SPNS1: variants seen among roughly 807,000 people sequenced by gnomAD.
SPNS1 encodes the protein SPNS lysolipid transporter 1, lysophospholipid, also known as protein spinster homolog 1.
In SPNS1, 22 loss-of-function variants were observed where a neutral mutation model predicts 50.3. The observed-to-expected ratio is 0.44, with a 90% CI of 0.31 to 0.62. The LOEUF is 0.62. SPNS1 is among the 20% of genes least tolerant of loss of function. The probability of loss-of-function intolerance (pLI) is 0.07; values close to 1 mark genes in which losing one functional copy is unlikely to be tolerated. For missense variants in SPNS1, 576 were observed against 728.6 expected (o/e 0.79, Z 2.41); for synonymous variants, 295 against 317.4 (o/e 0.93, Z 0.75).
At position 28,984,191 on chromosome 16, in the gene SPNS1, C is replaced by A; in HGVS notation, c.1493-14C>A. On this transcript the variant is annotated splice_polypyrimidine_tract_variant and intron_variant, in intron 11 of 11. Coordinates refer to ENST00000311008, the MANE Select transcript of SPNS1 (RefSeq NM_032038.3). ...TCCATCCAGCTCACCCTGGCTCTGA[C>A]CCTCCCCCCTCAGGCCTGCTGCACG... The A allele has an allele frequency of 6.5e-7, 1 of 1,548,356 alleles. No individual in the cohort carries two copies. The highest frequency in any genetic ancestry group is 8.7e-7 in the Non-Finnish European group (1 of 1,145,834).
rs113534072 is a variant in SPNS1 at position 28,975,443 on chromosome 16, T to A, written c.242-49T>A. On this transcript the variant is annotated intron_variant, in intron 1 of 11. Transcript: ENST00000311008. ...ATAGTCTAGGAGAGGGGAGCCAGGG[T>A]CCCGAGGGTGGCGCTGCTTTGCCGG... 5,770 of 1,614,192 alleles carry A rather than the reference T, an allele frequency of 3.6e-3. 179 individuals are homozygous for A. The African/African-American group carries it at 0.066, about 18-fold the overall frequency.
chr16:28,982,654 C>T (rs150930495), intron 8 of SPNS1, 109 bp downstream of exon 8: 17 of 1,335,706 alleles, frequency 1.3e-5, no homozygotes, highest in Non-Finnish European at 1.5e-5. Flanking sequence ...ACAGCTCTGG[C>T]TCTTCCCAGC....
In SPNS1 at chr16:28,975,680, A is replaced by G. The variant is rs1965318129; in HGVS notation, c.307+123A>G. On this transcript the variant is annotated intron_variant, in intron 2 of 11. Coordinates refer to ENST00000311008, the MANE Select transcript of SPNS1 (RefSeq NM_032038.3). ...GTTTTGTGGCCAGTTAGGGGAGGTG[A>G]TGGCCCTGATGTTGCTCGGGGGTCA... 1.1e-5 allele frequency: 11 copies of G among 1,045,236 alleles called. 1 individual carries two copies. Among genetic ancestry groups the G allele is most frequent in the African/African-American group, 1.6e-5 (1 of 62,810 alleles). The allele number at this position is 1,045,236 out of a possible 1,614,324, so 64.7% of individuals were successfully genotyped here. A position where few individuals can be genotyped will look rare whatever the true frequency, so the allele number is the denominator to read the frequency against.
intron 5 of SPNS1, chr16:28,980,028 A>AG: frequency 6.6e-6 from 1 of 152,242 alleles, no homozygotes; most frequent in South Asian, 2.0e-4. Context: ...TTCTCAAAAA[A>AG]AAAAAAAAAA....
chr16:28,982,349 C>A lies in SPNS1; in HGVS notation c.966-7C>A. The A allele has an allele frequency of 6.4e-7, 1 of 1,572,484 alleles. No homozygotes were observed. The highest frequency in any genetic ancestry group is 8.7e-7 in the Non-Finnish European group (1 of 1,154,992). ...ACAAACCCCCCATTCCCTTCCCTCA[C>A]CCCTAGTCTCATCTTTGGACTCATC... On this transcript the variant is annotated splice_region_variant and splice_polypyrimidine_tract_variant and intron_variant, in intron 7 of 11. Transcript: ENST00000311008.
At chr16:28,978,970 G>A (rs1393768581) in intron 3 of SPNS1, 185 bp from the exon 4 acceptor site, 7 of 695,758 alleles carry the variant, frequency 1.0e-5, no homozygotes, top group South Asian at 7.7e-5. Context: ...GCTCAGAGAG[G>A]TTAAGTTATT....
rs376696716 is a variant in SPNS1, at chr16:28,984,278, C to T, written c.1566C>T (p.Pro522=). 65 of 1,612,458 alleles carry T rather than the reference C, an allele frequency of 4.0e-5. No individual in the cohort carries two copies. The Middle Eastern group carries it at 9.9e-4, about 24-fold the overall frequency. The part of the protein sequence containing the change: ...VPQRGRSTRV[P]VASVLI Reference sequence around the variant, plus strand: ...AGCGGGGCCGCTCCACCCGCGTGCCCGTGGCCAGTGTGCTCATCTGAGAGG... The same window carrying T: ...AGCGGGGCCGCTCCACCCGCGTGCCTGTGGCCAGTGTGCTCATCTGAGAGG... The change falls in exon 12 of 12, where the codon CCC becomes CCT. Residue 522 remains proline (P), a synonymous_variant. Transcript: ENST00000311008.
Position 28,983,663 on chromosome 16 carries a change from A to C in SPNS1, c.1321-123A>C. The C allele has an allele frequency of 8.6e-7, 1 of 1,158,474 alleles. No individual in the cohort carries two copies. The allele number at this position is 1,158,474 out of a possible 1,614,324, so 71.8% of individuals were successfully genotyped here. On this transcript the variant is annotated intron_variant, in intron 10 of 11. Transcript: ENST00000311008. The surrounding 1 kb of genome is among the most constrained non-coding windows in gnomAD (Gnocchi z 5.4). ...ATGATAGGCATGAGCCACTGCATCT[A>C]GCTCAAACCTCCTTCCCTTTCCTGG... is the stretch of plus-strand genomic sequence containing the variant.
intron 5 of SPNS1, 90 bp downstream of exon 5, chr16:28,979,561 T>C: frequency 7.1e-7 from 1 of 1,406,284 alleles, no homozygotes; most frequent in Non-Finnish European, 1.0e-6. Flanking sequence ...CGCCCATTTT[T>C]CTTTTAAGAG....
Position 28,983,220 on chromosome 16 carries a change from C to T in SPNS1, c.1250C>T (p.Thr417Ile). The T allele has an allele frequency of 6.2e-7, 1 of 1,614,056 alleles. No homozygotes were observed. The highest frequency in any genetic ancestry group is 8.5e-7 in the Non-Finnish European group (1 of 1,179,956). Residue 417 changes from threonine to isoleucine, a missense_variant, in exon 10 of 12, where the codon ACC (threonine) becomes ATC (isoleucine). By Grantham distance (89) the Thr-to-Ile change is moderately conservative. Around this residue, in one of 3 missense-constraint regions of SPNS1, gnomAD observed 428 missense variants for 520.1 expected, o/e 0.82. Transcript: ENST00000311008. The surrounding 1 kb of genome is among the most constrained non-coding windows in gnomAD (Gnocchi z 5.4). The part of the protein sequence containing the change: ...LYVVIPTRRS[T>I]AEAFQIVLSH... ...GTGGTGATCCCTACCCGACGCTCCA[C>T]CGCCGAGGCCTTCCAGATCGTGCTG...
chr16:28,975,503 G>A lies in SPNS1; in HGVS notation c.253G>A (p.Asp85Asn). The change falls in exon 2 of 12, where the codon GAC becomes AAC. Residue 85 changes from aspartate (D) to asparagine (N), a missense_variant. Asp to Asn is a conservative substitution (Grantham distance 23). Coordinates refer to ENST00000311008, the MANE Select transcript of SPNS1 (RefSeq NM_032038.3). Reference protein sequence around the residue: ...DRFTVAGVLPDIEQFFNIGDS... With the variant: ...DRFTVAGVLPNIEQFFNIGDS... ...AATTTTCTCCTCAGGCGTCCTTCCC[G>A]ACATCGAGCAGTTCTTCAACATCGG... is the stretch of plus-strand genomic sequence containing the variant. The A allele has an allele frequency of 6.2e-7, 1 of 1,614,250 alleles. No individual in the cohort carries two copies.
rs775618063 is a variant in SPNS1 at position 28,978,056 on chromosome 16, A to C, written c.444+12A>C. ...TCATCCCCGGAGAGGTGAGGCCCCAAGCTGGCTCCTGTTTCTGCCCACACC... is the reference window on the plus strand; with the variant it reads ...TCATCCCCGGAGAGGTGAGGCCCCACGCTGGCTCCTGTTTCTGCCCACACC... On this transcript the variant is annotated intron_variant, in intron 3 of 11. Transcript: ENST00000311008. The C allele has an allele frequency of 6.2e-7, 1 of 1,611,294 alleles. No individual in the cohort carries two copies.
rs1169757309 is a variant in SPNS1, at chr16:28,984,264, T to C, written c.1552T>C (p.Ser518Pro). The change falls in exon 12 of 12, where the codon TCC becomes CCC. Residue 518 changes from serine (S) to proline (P), a missense_variant. This residue lies in a region of SPNS1 where 428 missense variants were observed against 520.1 expected (regional missense o/e 0.82). Coordinates refer to ENST00000311008, the MANE Select transcript of SPNS1 (RefSeq NM_032038.3). ...DRIVVPQRGRSTRVPVASVLI is the reference protein window; with the variant it reads ...DRIVVPQRGRPTRVPVASVLI ...GATTGTGGTGCCCCAGCGGGGCCGC[T>C]CCACCCGCGTGCCCGTGGCCAGTGT... 6.2e-7 allele frequency: 1 copy of C among 1,612,352 alleles called. No individual in the cohort carries two copies. Among genetic ancestry groups the C allele is most frequent in the African/African-American group, 1.3e-5 (1 of 75,046 alleles).
intron 3 of SPNS1, chr16:28,978,802 C>A: frequency 4.5e-6 from 1 of 224,664 alleles, no homozygotes; most frequent in Non-Finnish European, 9.0e-6. Flanking sequence ...ACATAAACTC[C>A]CATCTAAGGT....
intron 2 of SPNS1, among the ~76,000 whole-genome samples, chr16:28,977,332 AAGAGAAAAAAGTAAATGT>A (rs1053929851): frequency 4.7e-5 from 7 of 149,594 alleles, no homozygotes; most frequent in African/African-American, 1.7e-4. Context: ...AAAAAAAAAA[AAGAGAAAAAAGTAAATGT>A]GAGAGTCAGG....
At chr16:28,975,588 C>T (rs751468167) in intron 2 of SPNS1, 31 bp downstream of exon 2, 41 of 1,612,086 alleles carry the variant, frequency 2.5e-5, no homozygotes, top group Non-Finnish European at 3.2e-5. Flanking sequence ...GTCACACAGC[C>T]GCTCCTCCTT....
chr16:28,976,487 G>T (rs1965349328), intron 2 of SPNS1, among the ~76,000 whole-genome samples: 1 of 152,138 alleles, frequency 6.6e-6, no homozygotes, highest in Admixed American at 6.6e-5. Flanking sequence ...ACTTTGCGAA[G>T]AACTTTTATG....
chr16:28,982,431 C>T lies in SPNS1; in HGVS notation c.1041C>T (p.Leu347=), dbSNP rs770547895. The part of the protein sequence containing the change: ...VGLGVEISRR[L]RHSNPRADPL... ...TGGGTGTGGAGATCAGCCGCCGGCT[C>T]CGCCACTCCAACCCCCGGGCTGATC... Residue 347 remains leucine, a synonymous_variant, in exon 8 of 12, where the codon CTC becomes CTT. Transcript: ENST00000311008. 1.2e-6 allele frequency: 2 copies of T among 1,613,544 alleles called. No individual in the cohort carries two copies. The highest frequency in any genetic ancestry group is 1.3e-5 in the African/African-American group (1 of 74,908).
chr16:28,983,811 G>A lies in SPNS1; in HGVS notation c.1346G>A (p.Trp449Ter). 1 of 1,602,062 alleles carries A rather than the reference G, an allele frequency of 6.2e-7. No individual in the cohort carries two copies. Among genetic ancestry groups the A allele is most frequent in the Non-Finnish European group, 8.5e-7 (1 of 1,176,942 alleles). Residue 449 changes from tryptophan to a stop codon, truncating the protein, a stop_gained, in exon 11 of 12, where the codon TGG becomes TAG. Transcript: ENST00000311008. LOFTEE classifies it high-confidence loss of function. This position sits in a 1 kb window ranked among gnomAD's most constrained non-coding sequence, Gnocchi z 5.4. Reference protein sequence around the residue: ...GLISDRLRRNWPPSFLSEFRA... With the variant: ...GLISDRLRRN Reference sequence around the variant, plus strand: ...ATCTCTGACCGCCTGCGCCGGAACTGGCCCCCCTCCTTCTTGTCCGAGTTC... The same window carrying A: ...ATCTCTGACCGCCTGCGCCGGAACTAGCCCCCCTCCTTCTTGTCCGAGTTC...
Sources: allele counts gnomAD v4.1 joint callset (sites outside exome capture counted in the v4.1 genomes callset), GRCh38; gene constraint gnomAD v4.1.1; regional missense constraint gnomAD v4.1.1; non-coding constraint Gnocchi (gnomAD v3.1); transcripts MANE v1.5; gene names NCBI Gene and HGNC (gene_info 2026-07-23, HGNC 2026-07-21).